PCDHA9: variants seen among roughly 807,000 people sequenced by gnomAD.
PCDHA9 encodes protocadherin alpha 9, also known as protocadherin alpha-9.
Under a neutral mutation model 62.0 loss-of-function variants are expected in PCDHA9, and 62 were observed. That is an observed-to-expected ratio of 1.00 (90% CI 0.81 to 1.23). The LOEUF (loss-of-function observed/expected upper bound fraction) is 1.23. PCDHA9 is among the 50% of genes most tolerant of loss of function. The probability of loss-of-function intolerance (pLI) is 0.00; values close to 1 mark genes in which losing one functional copy is unlikely to be tolerated. For missense variants in PCDHA9, 1,205 were observed against 1,249.8 expected (o/e 0.96, Z 0.54); for synonymous variants, 557 against 567.6 (o/e 0.98, Z 0.27).
rs375481139 is a variant in PCDHA9 at position 140,894,977 on chromosome 5, C to T, written c.2394+44088C>T. ...AAAAATATAATTTTTTAATGTCTTA[C>T]TTTGTGACATCCTTTACCCTTTTTA... On this transcript the variant is annotated intron_variant, in intron 1 of 3. Coordinates refer to ENST00000532602, the MANE Select transcript of PCDHA9 (RefSeq NM_031857.2). Among the ~76,000 whole-genome samples the T allele has an allele frequency of 4.5e-4, 69 of 152,216 alleles. No homozygotes were observed. The South Asian group carries it at 0.014, about 30-fold the overall frequency.
At chr5:140,889,267 A>C (rs1376262292) in intron 1 of PCDHA9, among the ~76,000 whole-genome samples, 1 of 151,966 alleles carries the variant, frequency 6.6e-6, no homozygotes. Context: ...AAGTTTGTAT[A>C]ATCTTTGAAT....
chr5:140,960,606 T>C (rs565459983), intron 1 of PCDHA9, among the ~76,000 whole-genome samples: 2 of 152,176 alleles, frequency 1.3e-5, no homozygotes, highest in African/African-American at 4.8e-5. Context: ...ACTTCAACAA[T>C]ATCTAGTGTG....
Position 140,848,405 on chromosome 5 carries a change from C to A in PCDHA9, c.-91C>A. The A allele has an allele frequency of 9.0e-6, 12 of 1,329,950 alleles. No homozygotes were observed. The highest frequency in any genetic ancestry group is 1.3e-5 in the Non-Finnish European group (12 of 959,218). The allele number at this position is 1,329,950 out of a possible 1,614,324, so 82.4% of individuals were successfully genotyped here. A position where few individuals can be genotyped will look rare whatever the true frequency, so the allele number is the denominator to read the frequency against. The stretch of plus-strand genomic sequence containing the variant: ...TCACTCTCTCTGTGCTGAACGATGG[C>A]GAACACAGCAGAATGGGACTGACGA... On this transcript the variant is annotated 5_prime_UTR_variant, in exon 1 of 4. Transcript: ENST00000532602.
chr5:140,869,451 T>C, intron 1 of PCDHA9: 1 of 1,614,146 alleles, frequency 6.2e-7, no homozygotes, highest in Non-Finnish European at 8.5e-7. Context: ...CGCTGCAGGT[T>C]TTCCATGTGA....
intron 1 of PCDHA9, chr5:140,926,824 A>T: frequency 1.3e-6 from 2 of 1,496,944 alleles, no homozygotes; most frequent in Non-Finnish European, 1.8e-6. Context: ...GCTCTCCAGG[A>T]GTCCGGAGCA....
chr5:140,891,418 C>G (rs2063090538), intron 1 of PCDHA9, among the ~76,000 whole-genome samples: 1 of 146,594 alleles, frequency 6.8e-6, no homozygotes, highest in Non-Finnish European at 1.5e-5. Flanking sequence ...CCACTCTTGC[C>G]CCCAAGTCCC....
chr5:140,859,825 T>A (rs752840072), intron 1 of PCDHA9: 18 of 152,366 alleles, frequency 1.2e-4, no homozygotes, highest in Non-Finnish European at 2.3e-4. Context: ...AGTTTAGAAG[T>A]GTATTTGTTA....
chr5:140,952,192 G>T (rs572613863), intron 1 of PCDHA9, among the ~76,000 whole-genome samples: 3 of 152,080 alleles, frequency 2.0e-5, no homozygotes, highest in Non-Finnish European at 4.4e-5. Context: ...TCATGGGTTG[G>T]TGTTGAATGC....
intron 1 of PCDHA9, among the ~76,000 whole-genome samples, chr5:140,946,098 A>G (rs1249581075): frequency 6.6e-6 from 1 of 152,114 alleles, no homozygotes; most frequent in Non-Finnish European, 1.5e-5. Flanking sequence ...AGGAGTTAAC[A>G]TACCAAATAT....
chr5:140,968,008 C>T, intron 1 of PCDHA9: 1 of 1,614,202 alleles, frequency 6.2e-7, no homozygotes, highest in Non-Finnish European at 8.5e-7. Flanking sequence ...GACTGAATGG[C>T]TTTGGAAACT....
Position 140,848,397 on chromosome 5 carries a change from A to C in PCDHA9, c.-99A>C. 2 of 1,283,802 alleles carry C rather than the reference A, an allele frequency of 1.6e-6. No homozygotes were observed. The highest frequency in any genetic ancestry group is 2.2e-6 in the Non-Finnish European group (2 of 918,018). The allele number at this position is 1,283,802 out of a possible 1,614,324, so 79.5% of individuals were successfully genotyped here. A position where few individuals can be genotyped will look rare whatever the true frequency, so the allele number is the denominator to read the frequency against. ...ATTCTTTTTCACTCTCTCTGTGCTG[A>C]ACGATGGCGAACACAGCAGAATGGG... On this transcript the variant is annotated 5_prime_UTR_variant, in exon 1 of 4. Transcript: ENST00000532602.
At chr5:140,957,895 A>G (rs1169291586) in intron 1 of PCDHA9, among the ~76,000 whole-genome samples, 1 of 152,118 alleles carries the variant, frequency 6.6e-6, no homozygotes, top group African/African-American at 2.4e-5. Flanking sequence ...GTTGGCATCA[A>G]CCAAGGCATA....
chr5:140,977,850 T>C (rs1416064195), intron 1 of PCDHA9, among the ~76,000 whole-genome samples: 5 of 152,236 alleles, frequency 3.3e-5, no homozygotes, highest in African/African-American at 1.2e-4. Flanking sequence ...TATGGCTTTG[T>C]TTCTACCAAA....
At chr5:140,925,231 G>A (rs2082401450) in intron 1 of PCDHA9, among the ~76,000 whole-genome samples, 1 of 152,154 alleles carries the variant, frequency 6.6e-6, no homozygotes, top group Non-Finnish European at 1.5e-5. Flanking sequence ...GTTTCTACCA[G>A]AAAATATGTC....
Position 140,856,993 on chromosome 5 carries a change from T to C in PCDHA9, c.2394+6104T>C, listed in dbSNP as rs201643490. Reference sequence around the variant, plus strand: ...TTGACTTTGAGGACAGTAACACTTATGAAATTCATGTAGATGTTACAGATA... The same window carrying C: ...TTGACTTTGAGGACAGTAACACTTACGAAATTCATGTAGATGTTACAGATA... On this transcript the variant is annotated intron_variant, in intron 1 of 3. Coordinates refer to ENST00000532602, the MANE Select transcript of PCDHA9 (RefSeq NM_031857.2). The C allele has an allele frequency of 7.3e-5, 117 of 1,595,326 alleles. 13 individuals are homozygous for C. The highest frequency in any genetic ancestry group is 9.6e-5 in the Non-Finnish European group (112 of 1,165,156).
At chr5:140,944,792 G>C (rs1411963111) in intron 1 of PCDHA9, among the ~76,000 whole-genome samples, 3 of 152,138 alleles carry the variant, frequency 2.0e-5, no homozygotes, top group African/African-American at 7.2e-5. Context: ...TATTTTACAA[G>C]TCTGTCGAGG....
chr5:140,904,486 C>G (rs1396927518), intron 1 of PCDHA9, among the ~76,000 whole-genome samples: 2 of 151,508 alleles, frequency 1.3e-5, no homozygotes, highest in African/African-American at 2.4e-5. Context: ...TGGTCTGATT[C>G]CAAATTTTTA....
intron 1 of PCDHA9, chr5:140,857,485 G>T (rs1554150101): frequency 6.3e-7 from 1 of 1,598,484 alleles, no homozygotes; most frequent in Admixed American, 1.7e-5. Context: ...TGTCTGCGTG[G>T]GACGCGGACG....
At chr5:140,930,416 T>C (rs1554207810) in intron 1 of PCDHA9, 1 of 151,928 alleles carries the variant, frequency 6.6e-6, no homozygotes, top group East Asian at 1.9e-4. Flanking sequence ...GAGACAGGGG[T>C]CTCACTATGT....
Sources: allele counts gnomAD v4.1 joint callset (sites outside exome capture counted in the v4.1 genomes callset), GRCh38; gene constraint gnomAD v4.1.1; transcripts MANE v1.5; gene names NCBI Gene and HGNC (gene_info 2026-07-23, HGNC 2026-07-21).